Variants in ADARB2 observed in about 807,000 individuals in gnomAD.
ADARB2 encodes the protein adenosine deaminase RNA specific B2 (inactive), also known as inactive double-stranded RNA-specific editase B2.
ADARB2 carries 25 observed loss-of-function variants against 62.2 expected under a neutral mutation model. That is an observed-to-expected ratio of 0.40 (90% confidence interval 0.29 to 0.56). The LOEUF (loss-of-function observed/expected upper bound fraction) is 0.56. Ranked by LOEUF, ADARB2 falls within the 20% of genes least tolerant of loss-of-function variation. The pLI is 0.43. For synonymous variants in ADARB2, 572 were observed against 500.8 expected, an observed-to-expected ratio of 1.14 and a Z score of -1.90; for missense variants, 1,071 against 1,077.4, an observed-to-expected ratio of 0.99 and a Z score of 0.08.
intron 1 of ADARB2, among the ~76,000 whole-genome samples, chr10:1,508,005 G>A (rs1245456326): frequency 6.6e-6 from 1 of 152,146 alleles, no homozygotes; most frequent in Non-Finnish European, 1.5e-5. Context: ...CACAATTGAC[G>A]ACTGTGTGAC....
intron 8 of ADARB2, among the ~76,000 whole-genome samples, chr10:1,198,180 C>T (rs1223389117): frequency 2.6e-5 from 4 of 152,176 alleles, no homozygotes; most frequent in African/African-American, 4.8e-5. Context: ...CTATGCATCC[C>T]GTGACTGTGT....
chr10:1,533,939 AT>A (rs1429217830), intron 1 of ADARB2, among the ~76,000 whole-genome samples: 6 of 150,120 alleles, frequency 4.0e-5, no homozygotes, highest in African/African-American at 7.3e-5. Flanking sequence ...TTTGTAAATA[AT>A]TTTCTGATTA....
intron 4 of ADARB2, among the ~76,000 whole-genome samples, chr10:1,266,079 G>A (rs1386596379): frequency 7.0e-6 from 1 of 142,280 alleles, no homozygotes; most frequent in Non-Finnish European, 1.5e-5. Flanking sequence ...CCGGAAGACG[G>A]CCTGAGAGGG....
At chr10:1,663,447 C>T (rs1834274409) in intron 1 of ADARB2, among the ~76,000 whole-genome samples, 13 of 152,190 alleles carry the variant, frequency 8.5e-5, no homozygotes, top group Admixed American at 8.5e-4. Flanking sequence ...CTCATCCCTC[C>T]CTCCCCGCCA....
rs575957151 is a variant in ADARB2, at chr10:1,346,725, G to A, written c.1077+16303C>T. 3.3e-5 allele frequency among the ~76,000 whole-genome samples: 5 copies of A among 152,382 alleles called. No homozygotes were observed. The East Asian group carries it at 7.7e-4, about 23-fold the overall frequency. On this transcript the variant is annotated intron_variant, in intron 3 of 9. Coordinates refer to ENST00000381312, the MANE Select transcript of ADARB2 (RefSeq NM_018702.4). ...CCGTCTCCTGCTCCAGACACTACCTGGGGCAGCAGGCCGGGAGCCAGGCCC... is the reference window on the plus strand; with the variant it reads ...CCGTCTCCTGCTCCAGACACTACCTAGGGCAGCAGGCCGGGAGCCAGGCCC...
intron 1 of ADARB2, among the ~76,000 whole-genome samples, chr10:1,391,290 A>G (rs1047769884): frequency 1.8e-4 from 27 of 152,186 alleles, no homozygotes; most frequent in African/African-American, 6.0e-4. Context: ...TGCTCAGCCT[A>G]TGAGGGACTG....
rs1188798042 is a variant in ADARB2, at chr10:1,181,816, C to T, written c.*1377G>A. The T allele has an allele frequency of 6.6e-6, 1 of 152,062 alleles. No individual in the cohort carries two copies. Among genetic ancestry groups the T allele is most frequent in the Non-Finnish European group, 1.5e-5 (1 of 68,006 alleles). The allele number at this position is 152,062 out of a possible 1,614,324, so 9.4% of individuals were successfully genotyped here. Reference sequence around the variant, plus strand: ...GAGAAATGAGAGACTGGCTATCTAGCATGATGAATGTTAGAAATGAGTTCT... The same window carrying T: ...GAGAAATGAGAGACTGGCTATCTAGTATGATGAATGTTAGAAATGAGTTCT... On this transcript the variant is annotated 3_prime_UTR_variant, in exon 10 of 10. Coordinates refer to ENST00000381312, the MANE Select transcript of ADARB2 (RefSeq NM_018702.4).
chr10:1,712,972 T>C (rs550992474), intron 1 of ADARB2, among the ~76,000 whole-genome samples: 6 of 152,238 alleles, frequency 3.9e-5, no homozygotes, highest in African/African-American at 1.4e-4. Context: ...AGCTCCTTAG[T>C]CCCGACAGCA....
intron 1 of ADARB2, among the ~76,000 whole-genome samples, chr10:1,686,259 G>A (rs544028002): frequency 6.6e-6 from 1 of 152,366 alleles, no homozygotes; most frequent in African/African-American, 2.4e-5. Flanking sequence ...AGGCCTCGGC[G>A]GGGGTTCTCT....
chr10:1,575,845 A>T (rs1833003660), intron 1 of ADARB2, among the ~76,000 whole-genome samples: 1 of 152,102 alleles, frequency 6.6e-6, no homozygotes, highest in African/African-American at 2.4e-5. Context: ...GTCCACCTGC[A>T]TCCCTCCTCC....
chr10:1,233,818 C>T lies in ADARB2; in HGVS notation c.1389G>A (p.Ser463=), dbSNP rs35356097. The T allele has an allele frequency of 1.4e-3, 2,211 of 1,613,988 alleles. 29 individuals are homozygous for T. In the African/African-American group the frequency reaches 0.022, roughly 16 times the overall value. ...CACCTTCTTTTAACCGCACGAATAT[C>T]GATCGCTCTGAGTCCTCGCGCCGCT... ...LSKRREDSER[S]IFVRLKEGGY... The change falls in exon 6 of 10, where the codon TCG becomes TCA. Residue 463 remains serine, a synonymous_variant. Transcript: ENST00000381312.
At chr10:1,511,232 A>G (rs34262607) in intron 1 of ADARB2, among the ~76,000 whole-genome samples, 27,971 of 152,182 alleles carry the variant, frequency 0.18, 3,024 homozygotes, top group Non-Finnish European at 0.25. Context: ...TATTGTTAAA[A>G]GCTAAGGTGA....
chr10:1,614,657 A>G (rs1833607580), intron 1 of ADARB2, among the ~76,000 whole-genome samples: 1 of 152,350 alleles, frequency 6.6e-6, no homozygotes, highest in African/African-American at 2.4e-5. Flanking sequence ...TACGCCTGTC[A>G]TCCCAGCACT....
intron 1 of ADARB2, among the ~76,000 whole-genome samples, chr10:1,691,901 G>GTA (rs571818139): frequency 2.4e-5 from 3 of 125,120 alleles, no homozygotes; most frequent in African/African-American, 7.6e-5. Context: ...ATTACTAAAT[G>GTA]TGTGTGTGTG....
At chr10:1,399,083 T>C (rs749104281) in intron 1 of ADARB2, among the ~76,000 whole-genome samples, 10 of 152,122 alleles carry the variant, frequency 6.6e-5, no homozygotes, top group Non-Finnish European at 1.2e-4. Flanking sequence ...CGAAATAAAA[T>C]GAACTGAGAA....
At chr10:1,209,447 GCCCACA>G (rs1837115996) in intron 7 of ADARB2, among the ~76,000 whole-genome samples, 1 of 124,308 alleles carries the variant, frequency 8.0e-6, no homozygotes, top group South Asian at 2.3e-4. Context: ...CTACAGCCTG[GCCCACA>G]CCCACACCAT....
intron 2 of ADARB2, among the ~76,000 whole-genome samples, chr10:1,375,251 T>C (rs1190369888): frequency 6.6e-6 from 1 of 152,036 alleles, no homozygotes; most frequent in Admixed American, 6.5e-5. Context: ...AGCAGAGAGG[T>C]TACAGTGGCC....
intron 3 of ADARB2, among the ~76,000 whole-genome samples, chr10:1,321,763 C>A (rs930404955): frequency 5.9e-5 from 9 of 152,168 alleles, no homozygotes; most frequent in African/African-American, 2.2e-4. Context: ...GCTACGAGGG[C>A]TTTTGTCTAG....
intron 1 of ADARB2, among the ~76,000 whole-genome samples, chr10:1,547,260 G>T (rs1219240276): frequency 7.1e-6 from 1 of 141,134 alleles, no homozygotes; most frequent in Non-Finnish European, 1.5e-5. Flanking sequence ...GGCTGCACTG[G>T]CGTATGCACT....
Sources: allele counts gnomAD v4.1 joint callset (sites outside exome capture counted in the v4.1 genomes callset), GRCh38; gene constraint gnomAD v4.1.1; transcripts MANE v1.5; gene names NCBI Gene and HGNC (gene_info 2026-07-23, HGNC 2026-07-21).